SDK1: variants seen among roughly 807,000 people sequenced by gnomAD.
SDK1 encodes the protein protein sidekick-1.
In SDK1, 157 loss-of-function variants were observed where a neutral mutation model predicts 245.5. The observed-to-expected ratio is 0.64, with a 90% confidence interval of 0.56 to 0.73. The LOEUF (loss-of-function observed/expected upper bound fraction) is 0.73, where lower values mean the gene tolerates loss of function less well. SDK1 is among the 30% of genes least tolerant of loss of function. The probability of loss-of-function intolerance (pLI) is 0.00; values close to 1 mark genes in which losing one functional copy is unlikely to be tolerated. For synonymous variants in SDK1, 1,647 were observed against 1,278.5 expected (o/e 1.29, Z -6.15); for missense variants, 3,583 against 3,002.3 (o/e 1.19, Z -4.52).
intron 32 of SDK1, among the ~76,000 whole-genome samples, chr7:4,171,229 C>T (rs925271425): frequency 3.9e-5 from 6 of 152,208 alleles, no homozygotes; most frequent in African/African-American, 9.7e-5. Flanking sequence ...GATCGTCTGC[C>T]GCCGCCTCGG....
intron 5 of SDK1, among the ~76,000 whole-genome samples, chr7:3,897,409 T>C (rs1781639866): frequency 6.6e-6 from 1 of 152,182 alleles, no homozygotes; most frequent in African/African-American, 2.4e-5. Flanking sequence ...TCCTGTCTCC[T>C]TGAATTCTAC....
chr7:3,649,671 C>T (rs1012180986), intron 4 of SDK1, among the ~76,000 whole-genome samples: 4 of 152,226 alleles, frequency 2.6e-5, no homozygotes, highest in South Asian at 2.1e-4. Flanking sequence ...GGCAGCCCAG[C>T]GGTTTAGTAC....
intron 7 of SDK1, among the ~76,000 whole-genome samples, chr7:3,954,556 A>T (rs1174096782): frequency 2.0e-4 from 5 of 25,204 alleles, no homozygotes; most frequent in African/African-American, 1.0e-3. Flanking sequence ...ACCTCCCCTC[A>T]ACACCCTCCC....
At chr7:3,872,687 C>T (rs6968948) in intron 5 of SDK1, among the ~76,000 whole-genome samples, 49,648 of 150,954 alleles carry the variant, frequency 0.33, 11,024 homozygotes, top group African/African-American at 0.64. Flanking sequence ...TAGAAATTTA[C>T]TGCTTTTATT....
Position 4,110,695 on chromosome 7 carries a change from C to A in SDK1, c.3357C>A (p.Val1119=). The A allele has an allele frequency of 6.2e-7, 1 of 1,613,748 alleles. No homozygotes were observed. The highest frequency in any genetic ancestry group is 1.1e-5 in the South Asian group (1 of 91,062). Reference sequence around the variant, plus strand: ...CTATCGGCGACGAGGAGGAGTGGGTCACCCTCTATGAAGAGGAGAATGAGC... The same window carrying A: ...CTATCGGCGACGAGGAGGAGTGGGTAACCCTCTATGAAGAGGAGAATGAGC... ...VGAIGDEEEW[V]TLYEEENEPD... The change falls in exon 23 of 45, where the codon GTC becomes GTA. Residue 1119 remains valine, a synonymous_variant. Coordinates refer to ENST00000404826, the MANE Select transcript of SDK1 (RefSeq NM_152744.4).
At chr7:3,576,717 G>C (rs1780303286) in intron 1 of SDK1, among the ~76,000 whole-genome samples, 1 of 151,986 alleles carries the variant, frequency 6.6e-6, no homozygotes, top group Non-Finnish European at 1.5e-5. Flanking sequence ...CCTGTGTTGA[G>C]CCACGTGCAC....
chr7:3,798,356 T>G (rs1041710983), intron 4 of SDK1, among the ~76,000 whole-genome samples: 2 of 151,596 alleles, frequency 1.3e-5, no homozygotes, highest in Non-Finnish European at 2.9e-5. Context: ...TAGCTGGGAC[T>G]ACAGGCGCCC....
At chr7:3,567,145 C>T (rs1779947246) in intron 1 of SDK1, among the ~76,000 whole-genome samples, 1 of 152,166 alleles carries the variant, frequency 6.6e-6, no homozygotes, top group Non-Finnish European at 1.5e-5. Flanking sequence ...GAAGTATTTA[C>T]ATTGTTAGGT....
At chr7:3,574,096 A>G (rs1440039114) in intron 1 of SDK1, among the ~76,000 whole-genome samples, 1 of 151,366 alleles carries the variant, frequency 6.6e-6, no homozygotes, top group South Asian at 2.1e-4. Context: ...TCCTGATCAG[A>G]CTAGACATAT....
intron 5 of SDK1, among the ~76,000 whole-genome samples, chr7:3,889,512 T>A (rs946924466): frequency 4.0e-5 from 6 of 151,866 alleles, no homozygotes; most frequent in African/African-American, 2.4e-5. Flanking sequence ...GCTAGATGAT[T>A]CTTTTTTTTT....
chr7:3,755,882 T>C (rs550869416), intron 4 of SDK1, among the ~76,000 whole-genome samples: 1 of 152,172 alleles, frequency 6.6e-6, no homozygotes, highest in East Asian at 1.9e-4. Context: ...GACACATGCA[T>C]GTTGTTGCAT....
intron 1 of SDK1, among the ~76,000 whole-genome samples, chr7:3,316,296 A>T (rs546673733): frequency 3.9e-5 from 6 of 152,182 alleles, no homozygotes; most frequent in African/African-American, 1.2e-4. Flanking sequence ...CTCAGTTCAG[A>T]TTTGTTTAGA....
intron 8 of SDK1, among the ~76,000 whole-genome samples, chr7:3,960,205 G>C (rs1187003558): frequency 6.6e-6 from 1 of 152,198 alleles, no homozygotes; most frequent in African/African-American, 2.4e-5. Context: ...AGTGCCAAAG[G>C]CACTGGGCCA....
intron 5 of SDK1, among the ~76,000 whole-genome samples, chr7:3,823,431 A>G (rs1377671352): frequency 6.6e-6 from 1 of 152,224 alleles, no homozygotes; most frequent in African/African-American, 2.4e-5. Context: ...GAAACTGTTT[A>G]ACATCACAAA....
intron 1 of SDK1, among the ~76,000 whole-genome samples, chr7:3,600,425 T>A (rs1207679368): frequency 2.6e-5 from 4 of 152,182 alleles, no homozygotes; most frequent in Admixed American, 6.5e-5. Flanking sequence ...TTTATTTTTA[T>A]TCAGTGGCGA....
intron 1 of SDK1, among the ~76,000 whole-genome samples, chr7:3,498,716 G>A (rs550461434): frequency 1.1e-4 from 16 of 149,380 alleles, no homozygotes; most frequent in Non-Finnish European, 2.2e-4. Flanking sequence ...TCAGAATGTT[G>A]CCTGTAGGCC....
At chr7:3,592,563 T>C (rs767164875) in intron 1 of SDK1, among the ~76,000 whole-genome samples, 4 of 152,196 alleles carry the variant, frequency 2.6e-5, no homozygotes, top group Non-Finnish European at 4.4e-5. Context: ...CAGTGAAGGT[T>C]ATTTATTTAT....
chr7:3,514,793 G>T (rs143866819), intron 1 of SDK1, among the ~76,000 whole-genome samples: 4 of 152,286 alleles, frequency 2.6e-5, no homozygotes, highest in African/African-American at 9.6e-5. Context: ...TGAAAATCAG[G>T]ATTTGTATTA....
intron 4 of SDK1, among the ~76,000 whole-genome samples, chr7:3,718,303 C>T (rs1785261843): frequency 6.6e-6 from 1 of 151,930 alleles, no homozygotes; most frequent in Non-Finnish European, 1.5e-5. Context: ...AAGTTGGAGA[C>T]CAGCCTGGGT....
Sources: allele counts gnomAD v4.1 joint callset (sites outside exome capture counted in the v4.1 genomes callset), GRCh38; gene constraint gnomAD v4.1.1; transcripts MANE v1.5; gene names NCBI Gene and HGNC (gene_info 2026-07-23, HGNC 2026-07-21).